SH3D19: variants seen among roughly 807,000 people sequenced by gnomAD.
SH3D19 encodes SH3 domain-containing protein 19.
Under a neutral mutation model 112.1 loss-of-function variants are expected in SH3D19, and 58 were observed. That is an observed-to-expected ratio of 0.52 (90% confidence interval 0.42 to 0.64). SH3D19 has a LOEUF of 0.64. Among genes scored for constraint, SH3D19 ranks in the 30% least tolerant of loss-of-function variants. The pLI is 0.00. For missense variants in SH3D19, 1,090 were observed against 1,263.4 expected, an observed-to-expected ratio of 0.86 and a Z score of 2.08; for synonymous variants, 391 against 448.5, an observed-to-expected ratio of 0.87 and a Z score of 1.62.
chr4:151,311,532 G>A (rs1056590084), intron 1 of SH3D19, among the ~76,000 whole-genome samples: 2 of 152,080 alleles, frequency 1.3e-5, no homozygotes, highest in African/African-American at 4.8e-5. Flanking sequence ...ATCTAAAAAA[G>A]TCAAACTCAT....
intron 1 of SH3D19, among the ~76,000 whole-genome samples, chr4:151,262,527 C>T (rs1245361796): frequency 6.6e-6 from 1 of 152,190 alleles, no homozygotes; most frequent in Non-Finnish European, 1.5e-5. Context: ...CCTTGCCTTC[C>T]CCAGTGTGCT....
chr4:151,295,653 T>C (rs1233107791), intron 1 of SH3D19, among the ~76,000 whole-genome samples: 1 of 152,230 alleles, frequency 6.6e-6, no homozygotes, highest in Non-Finnish European at 1.5e-5. Flanking sequence ...CTGGAATACC[T>C]TTCTTTTGAT....
intron 10 of SH3D19, among the ~76,000 whole-genome samples, chr4:151,149,227 T>C (rs1754492823): frequency 6.6e-6 from 1 of 152,148 alleles, no homozygotes; most frequent in Non-Finnish European, 1.5e-5. Context: ...ACGTATATTC[T>C]AGAAGTGGAG....
At chr4:151,323,847 G>T (rs1730781776) in intron 1 of SH3D19, among the ~76,000 whole-genome samples, 1 of 152,124 alleles carries the variant, frequency 6.6e-6, no homozygotes, top group African/African-American at 2.4e-5. Flanking sequence ...CTCCAAAACA[G>T]GTCTTCACTG....
intron 2 of SH3D19, among the ~76,000 whole-genome samples, chr4:151,191,847 A>G (rs965789463): frequency 6.6e-6 from 1 of 151,816 alleles, no homozygotes; most frequent in Admixed American, 6.6e-5. Flanking sequence ...GGGTTTCATC[A>G]TGTTAGCCAG....
chr4:151,144,913 G>T (rs572595170), intron 11 of SH3D19, among the ~76,000 whole-genome samples: 30 of 152,238 alleles, frequency 2.0e-4, no homozygotes, highest in Admixed American at 9.2e-4. Flanking sequence ...CACATCAGAC[G>T]GTCTGTACTA....
At chr4:151,159,070 C>T (rs575234357) in intron 9 of SH3D19, among the ~76,000 whole-genome samples, 170 bp downstream of exon 9, 1 of 152,180 alleles carries the variant, frequency 6.6e-6, no homozygotes, top group Admixed American at 6.5e-5. Flanking sequence ...GGACTTTTAA[C>T]ATATTGAACA....
At chr4:151,187,503 C>G (rs929721012) in intron 2 of SH3D19, 40 bp from the exon 3 acceptor site, 110 of 1,190,112 alleles carry the variant, frequency 9.2e-5, no homozygotes, top group Non-Finnish European at 1.1e-4. Flanking sequence ...TTCATTAATC[C>G]TTTTTGAAAA....
At chr4:151,214,646 C>A (rs867209406) in intron 2 of SH3D19, among the ~76,000 whole-genome samples, 2 of 91,936 alleles carry the variant, frequency 2.2e-5, no homozygotes, top group Admixed American at 1.1e-4. Context: ...TGACCCCCCC[C>A]ACCTCCCTCC....
chr4:151,306,473 T>A (rs1395557029), intron 1 of SH3D19, among the ~76,000 whole-genome samples: 1 of 152,182 alleles, frequency 6.6e-6, no homozygotes, highest in African/African-American at 2.4e-5. Flanking sequence ...TTTATTCAGA[T>A]ATGCTAAAAA....
At chr4:151,291,453 A>G (rs758300561) in intron 1 of SH3D19, 1 of 1,584,852 alleles carries the variant, frequency 6.3e-7, no homozygotes, top group South Asian at 1.1e-5. Flanking sequence ...GGGGCAGATA[A>G]CTCACAGGAG....
chr4:151,134,536 A>G (rs1437041240), intron 15 of SH3D19, among the ~76,000 whole-genome samples: 1 of 152,240 alleles, frequency 6.6e-6, no homozygotes, highest in Non-Finnish European at 1.5e-5. Flanking sequence ...ATTATTTCTC[A>G]TGACAAAAAT....
At chr4:151,255,860 A>T (rs920483114) in intron 1 of SH3D19, among the ~76,000 whole-genome samples, 1 of 152,234 alleles carries the variant, frequency 6.6e-6, no homozygotes, top group Admixed American at 6.5e-5. Flanking sequence ...CACCGTCTCC[A>T]CCAAAACCAG....
Position 151,159,502 on chromosome 4 carries a change from T to C in SH3D19, c.1643-150A>G, listed in dbSNP as rs1322793359. 8.4e-6 allele frequency: 5 copies of C among 592,006 alleles called. No individual in the cohort carries two copies. In the East Asian group the frequency reaches 1.3e-4, roughly 16 times the overall value. 36.7% of individuals were successfully genotyped at this position (592,006 alleles called of 1,614,324 possible). On this transcript the variant is annotated intron_variant, in intron 8 of 19. Coordinates refer to ENST00000604030, the MANE Select transcript of SH3D19 (RefSeq NM_001378122.1). ...AATGAGAAAGAGCTCCCAGCAAACT[T>C]CAGAAAATTGATGTGTTAGTCAACA...
At chr4:151,160,702 T>A (rs914569809) in intron 8 of SH3D19, among the ~76,000 whole-genome samples, 8 of 137,318 alleles carry the variant, frequency 5.8e-5, no homozygotes, top group African/African-American at 2.1e-4. Context: ...TTTTTTCAAA[T>A]GTACACTCTC....
intron 1 of SH3D19, among the ~76,000 whole-genome samples, chr4:151,266,649 T>C (rs934096608): frequency 2.0e-5 from 3 of 152,230 alleles, no homozygotes; most frequent in Admixed American, 2.0e-4. Flanking sequence ...CTAGGTGCTC[T>C]GACAAGGCCT....
At chr4:151,245,893 C>G (rs1770911495) in intron 1 of SH3D19, among the ~76,000 whole-genome samples, 1 of 152,202 alleles carries the variant, frequency 6.6e-6, no homozygotes, top group Admixed American at 6.5e-5. Context: ...TGAGCCACCA[C>G]TCCCGGCCTG....
chr4:151,226,827 C>G (rs947162745), intron 1 of SH3D19, among the ~76,000 whole-genome samples: 2 of 152,194 alleles, frequency 1.3e-5, no homozygotes, highest in Non-Finnish European at 1.5e-5. Flanking sequence ...GATGCTTGAA[C>G]TTTTCAAAAG....
intron 1 of SH3D19, among the ~76,000 whole-genome samples, chr4:151,315,312 T>C (rs1307803481): frequency 6.6e-6 from 1 of 152,184 alleles, no homozygotes; most frequent in African/African-American, 2.4e-5. Context: ...ACAATAAATA[T>C]TAACTTGTTA....
Sources: allele counts gnomAD v4.1 joint callset (sites outside exome capture counted in the v4.1 genomes callset), GRCh38; gene constraint gnomAD v4.1.1; transcripts MANE v1.5; gene names NCBI Gene and HGNC (gene_info 2026-07-23, HGNC 2026-07-21).